Variants in SIMC1 observed in about 807,000 individuals in gnomAD.
SIMC1 encodes SUMO interacting motifs containing 1.
In SIMC1, 55 loss-of-function variants were observed where a neutral mutation model predicts 82.3. The ratio of observed to expected loss-of-function variants is 0.67; its 90% CI spans 0.54 to 0.84. The LOEUF is 0.84. SIMC1 is among the 40% of genes least tolerant of loss of function. SIMC1 has a pLI of 0.00. For synonymous variants in SIMC1, 353 were observed against 426.3 expected (o/e 0.83, Z 2.12); for missense variants, 915 against 1,107.2 (o/e 0.83, Z 2.46).
chr5:176,331,368 T>TA (rs70991536), intron 7 of SIMC1, among the ~76,000 whole-genome samples: 145 of 131,446 alleles, frequency 1.1e-3, no homozygotes, highest in South Asian at 5.0e-3. Flanking sequence ...AGACTCTGTC[T>TA]AAAAAAAAAA....
At chr5:176,259,494 C>T (rs565563141) in intron 1 of SIMC1, among the ~76,000 whole-genome samples, 4 of 150,572 alleles carry the variant, frequency 2.7e-5, no homozygotes, top group African/African-American at 7.3e-5. Context: ...GTAAGTAGGC[C>T]GGGTGTGGTG....
intron 1 of SIMC1, among the ~76,000 whole-genome samples, chr5:176,284,508 G>T (rs1282570132): frequency 2.0e-5 from 3 of 152,164 alleles, no homozygotes; most frequent in African/African-American, 7.2e-5. Context: ...CAGAATCTCT[G>T]GGATACATTT....
chr5:176,313,699 T>C lies in SIMC1; in HGVS notation c.1743T>C (p.Thr581=), dbSNP rs898737361. Residue 581 remains threonine (T), a synonymous_variant, in exon 5 of 10, where the codon ACT becomes ACC. Coordinates refer to ENST00000429602, the MANE Select transcript of SIMC1 (RefSeq NM_001308195.2). ...CATTCTTTTTCCCACAGGGACAAAC[T>C]CTGCCTGGGCGAGTCCTTTTCCTGC... ...LTYVMEEEGQ[T]LPGRVLFLRY... The C allele has an allele frequency of 6.2e-7, 1 of 1,613,796 alleles. No individual in the cohort carries two copies.
rs568450846 is a variant in SIMC1, at chr5:176,262,448, AC to A, written c.129+23812del. Among the ~76,000 whole-genome samples the A allele has an allele frequency of 9.3e-3, 1,408 of 152,180 alleles. 15 individuals carry two copies. The highest frequency in any genetic ancestry group is 0.031 in the Middle Eastern group (9 of 294). Reference sequence around the variant, plus strand: ...GATAAGGCAAGGATGTCTCCTCACTACTCCTTTTCAGCATTGTACTGGAAGT... The same window carrying A: ...GATAAGGCAAGGATGTCTCCTCACTATCCTTTTCAGCATTGTACTGGAAGT... On this transcript the variant is annotated intron_variant, in intron 1 of 9. Coordinates refer to ENST00000429602, the MANE Select transcript of SIMC1 (RefSeq NM_001308195.2).
At chr5:176,262,665 CATG>C (rs1762058081) in intron 1 of SIMC1, among the ~76,000 whole-genome samples, 1 of 152,114 alleles carries the variant, frequency 6.6e-6, no homozygotes, top group African/African-American at 2.4e-5. Flanking sequence ...ATCAGCCAGG[CATG>C]GTGGTGAGCA....
intron 1 of SIMC1, among the ~76,000 whole-genome samples, chr5:176,259,891 C>T (rs1404000916): frequency 6.6e-6 from 1 of 151,736 alleles, no homozygotes; most frequent in African/African-American, 2.4e-5. Context: ...AGAAATTTTC[C>T]TTGTGTGTGC....
intron 1 of SIMC1, among the ~76,000 whole-genome samples, chr5:176,286,482 T>C (rs1329902951): frequency 1.3e-5 from 2 of 152,104 alleles, no homozygotes; most frequent in Non-Finnish European, 2.9e-5. Flanking sequence ...ATACAAAAAT[T>C]AATTCAAGAT....
In SIMC1 at chr5:176,280,679, T is replaced by A. The variant is rs867451262; in HGVS notation, c.130-8975T>A. On this transcript the variant is annotated intron_variant, in intron 1 of 9. Transcript: ENST00000429602. ...TTGCTTCTCTGTAAAGGATTTTATTTCTCTTTCACTTATGAAGCTTCGTTT... is the reference window on the plus strand; with the variant it reads ...TTGCTTCTCTGTAAAGGATTTTATTACTCTTTCACTTATGAAGCTTCGTTT... Among the ~76,000 whole-genome samples the A allele has an allele frequency of 3.5e-4, 54 of 152,278 alleles. 1 individual carries two copies. Among genetic ancestry groups the A allele is most frequent in the South Asian group, 8.3e-4 (4 of 4,816 alleles).
At position 176,290,227 on chromosome 5, in the gene SIMC1, T is replaced by A. The variant is rs752189572; in HGVS notation, c.703T>A (p.Cys235Ser). 30 of 1,611,088 alleles carry A rather than the reference T, an allele frequency of 1.9e-5. No homozygotes were observed. The South Asian group carries it at 3.3e-4, about 18-fold the overall frequency. ...GCCATGCCCACCGAGAGCCTCACCATGTCCACCACGAGCCTCCTCATGCCC... is the reference window on the plus strand; with the variant it reads ...GCCATGCCCACCGAGAGCCTCACCAAGTCCACCACGAGCCTCCTCATGCCC... ...PLPCPPRASP[C>S]PPRASSCPPR... Residue 235 changes from cysteine to serine, a missense_variant, in exon 2 of 10, where the codon TGT becomes AGT. Cys to Ser is a moderately radical substitution (Grantham distance 112). Transcript: ENST00000429602.
chr5:176,253,191 T>C (rs760841592), intron 1 of SIMC1, among the ~76,000 whole-genome samples: 94 of 152,256 alleles, frequency 6.2e-4, no homozygotes, highest in African/African-American at 2.2e-3. Context: ...TGTTGAATAT[T>C]GGCCCCCACT....
chr5:176,337,053 T>A lies in SIMC1; in HGVS notation c.2329-9T>A, dbSNP rs1561735046. ...CATTTATTATCAATCCATTTTACTA[T>A]CTCTGCAGTCAGATAAAAGCCAGTG... On this transcript the variant is annotated splice_polypyrimidine_tract_variant and intron_variant, in intron 8 of 9. Transcript: ENST00000429602. 6.2e-7 allele frequency: 1 copy of A among 1,613,510 alleles called. No homozygotes were observed. Among genetic ancestry groups the A allele is most frequent in the South Asian group, 1.1e-5 (1 of 90,944 alleles).
At chr5:176,283,106 T>C (rs1763089217) in intron 1 of SIMC1, among the ~76,000 whole-genome samples, 2 of 152,218 alleles carry the variant, frequency 1.3e-5, no homozygotes, top group South Asian at 4.1e-4. Flanking sequence ...CTCTTCAGGA[T>C]ATCATCCAGT....
At chr5:176,281,363 G>C (rs1215990809) in intron 1 of SIMC1, among the ~76,000 whole-genome samples, 1 of 152,050 alleles carries the variant, frequency 6.6e-6, no homozygotes, top group East Asian at 1.9e-4. Flanking sequence ...TAACTTCTTT[G>C]CCTTTGGTTT....
At chr5:176,293,427 C>G (rs1213596512) in intron 2 of SIMC1, among the ~76,000 whole-genome samples, 2 of 150,850 alleles carry the variant, frequency 1.3e-5, no homozygotes, top group African/African-American at 4.9e-5. Flanking sequence ...ACAGCGAGAC[C>G]CCATCTCAAA....
At chr5:176,297,502 CAAAAAA>C (rs896827211) in intron 4 of SIMC1, among the ~76,000 whole-genome samples, 1 of 35,932 alleles carries the variant, frequency 2.8e-5, no homozygotes, top group Non-Finnish European at 5.6e-5. Context: ...AACTCTGTCT[CAAAAAA>C]AAAAAAAAAA....
At chr5:176,337,455 G>A (rs190002398) in intron 9 of SIMC1, among the ~76,000 whole-genome samples, 123 of 152,238 alleles carry the variant, frequency 8.1e-4, no homozygotes, top group African/African-American at 2.7e-3. Context: ...TTAGCCAGGC[G>A]TGGTGGTGTA....
At chr5:176,304,744 G>T (rs1478011173) in intron 4 of SIMC1, among the ~76,000 whole-genome samples, 2 of 151,212 alleles carry the variant, frequency 1.3e-5, no homozygotes, top group Non-Finnish European at 3.0e-5. Flanking sequence ...GAAGTGAGGA[G>T]CGCCTCTTCC....
At chr5:176,315,565 T>C (rs1764863969) in intron 5 of SIMC1, among the ~76,000 whole-genome samples, 1 of 152,178 alleles carries the variant, frequency 6.6e-6, no homozygotes, top group Non-Finnish European at 1.5e-5. Flanking sequence ...TAGAAGGGTG[T>C]ACCAGCGTCT....
At chr5:176,332,097 T>C (rs569843824) in intron 7 of SIMC1, among the ~76,000 whole-genome samples, 2 of 152,364 alleles carry the variant, frequency 1.3e-5, no homozygotes, top group South Asian at 4.1e-4. Context: ...TTTGTTGTTT[T>C]AGCCAGCTGA....
Sources: allele counts gnomAD v4.1 joint callset (sites outside exome capture counted in the v4.1 genomes callset), GRCh38; gene constraint gnomAD v4.1.1; transcripts MANE v1.5; gene names NCBI Gene and HGNC (gene_info 2026-07-23, HGNC 2026-07-21).